The following ARHGAP39 variants were observed in gnomAD, a reference collection of about 807,000 sequenced individuals.
ARHGAP39 encodes rho GTPase-activating protein 39.
In ARHGAP39, 44 loss-of-function variants were observed where a neutral mutation model predicts 106.9. The ratio of observed to expected loss-of-function variants is 0.41; its 90% CI spans 0.32 to 0.53. ARHGAP39 has a LOEUF of 0.53. Ranked by LOEUF, ARHGAP39 falls within the 20% of genes least tolerant of loss-of-function variation. ARHGAP39 has a pLI of 0.21. For missense variants in ARHGAP39, 1,496 were observed against 1,577.3 expected, an observed-to-expected ratio of 0.95 and a Z score of 0.87; for synonymous variants, 768 against 693.2, an observed-to-expected ratio of 1.11 and a Z score of -1.69.
In ARHGAP39 at chr8:144,548,300, G is replaced by A. The variant is rs757716308; in HGVS notation, c.786C>T (p.Asp262=). 4 of 1,608,498 alleles carry A rather than the reference G, an allele frequency of 2.5e-6. No individual in the cohort carries two copies. The highest frequency in any genetic ancestry group is 4.5e-5 in the East Asian group (2 of 44,678). The change falls in exon 5 of 12, where the codon GAC becomes GAT. Residue 262 remains aspartate, a synonymous_variant. Coordinates refer to ENST00000377307, the MANE Select transcript of ARHGAP39 (RefSeq NM_025251.3). The surrounding 1 kb of genome is among the most constrained non-coding windows in gnomAD (Gnocchi z 7.4). ...PSLQTFAPEA[D]GTIFFPERRP... ...TCCTCTCTGGGAAGAAGATGGTGCC[G>A]TCAGCCTCCGGGGCGAAGGTCTGCA...
At chr8:144,677,182 G>A (rs761731725) in intron 1 of ARHGAP39, among the ~76,000 whole-genome samples, 2 of 152,174 alleles carry the variant, frequency 1.3e-5, no homozygotes, top group Non-Finnish European at 2.9e-5. Context: ...CCGTTCATCC[G>A]CTGATGGACA....
intron 3 of ARHGAP39, among the ~76,000 whole-genome samples, chr8:144,568,829 G>A (rs113064904): frequency 0.069 from 10,406 of 151,826 alleles, 1,156 homozygotes; most frequent in African/African-American, 0.23. Flanking sequence ...AATCCAACAA[G>A]GGGAGATAAA....
At chr8:144,554,342 G>A (rs139261433) in intron 4 of ARHGAP39, among the ~76,000 whole-genome samples, 82 of 152,336 alleles carry the variant, frequency 5.4e-4, no homozygotes, top group Middle Eastern at 3.4e-3. Flanking sequence ...CCCCAGAGAG[G>A]CCAGAAGGTC....
In ARHGAP39 at chr8:144,547,815, C is replaced by T. The variant is rs1032564451; in HGVS notation, c.1271G>A (p.Gly424Asp). The T allele has an allele frequency of 1.3e-5, 21 of 1,591,920 alleles. No homozygotes were observed. Among genetic ancestry groups the T allele is most frequent in the Non-Finnish European group, 1.8e-5 (21 of 1,172,130 alleles). Reference sequence around the variant, plus strand: ...GCTGGGCTGCAAGGAGTACGAACCACCGCCGGGGTTGGGCGCGTACTTGTG... The same window carrying T: ...GCTGGGCTGCAAGGAGTACGAACCATCGCCGGGGTTGGGCGCGTACTTGTG... ...PRHKYAPNPG[G>D]GSYSLQPSPC... Residue 424 changes from glycine (G) to aspartate (D), a missense_variant, in exon 5 of 12, where the codon GGT becomes GAT. Physicochemically the swap from Gly to Asp is moderately conservative, Grantham distance 94 (BLOSUM62 -1). Coordinates refer to ENST00000377307, the MANE Select transcript of ARHGAP39 (RefSeq NM_025251.3). The surrounding 1 kb of genome is among the most constrained non-coding windows in gnomAD (Gnocchi z 5.2).
chr8:144,672,419 G>A (rs1822122655), intron 1 of ARHGAP39, among the ~76,000 whole-genome samples: 3 of 152,168 alleles, frequency 2.0e-5, no homozygotes, highest in Admixed American at 2.0e-4. Flanking sequence ...ATAGTGTTGG[G>A]GCCTCTAGTA....
At chr8:144,532,834 G>A (rs940283099) in intron 9 of ARHGAP39, among the ~76,000 whole-genome samples, 1 of 152,174 alleles carries the variant, frequency 6.6e-6, no homozygotes, top group African/African-American at 2.4e-5. Flanking sequence ...CCCACTCCAG[G>A]CTACCCATGG....
intron 1 of ARHGAP39, among the ~76,000 whole-genome samples, chr8:144,664,612 G>A (rs112777165): frequency 0.032 from 4,872 of 152,318 alleles, 230 homozygotes; most frequent in African/African-American, 0.11. Context: ...AGGGACCCAG[G>A]AGGAGGTAAT....
At chr8:144,619,509 C>T (rs559496393) in intron 1 of ARHGAP39, among the ~76,000 whole-genome samples, 17 of 151,646 alleles carry the variant, frequency 1.1e-4, no homozygotes, top group Non-Finnish European at 2.1e-4. Flanking sequence ...CCTCTGTGTC[C>T]CTGAGAAAGC....
chr8:144,621,992 G>C (rs185379914), intron 1 of ARHGAP39, among the ~76,000 whole-genome samples: 2 of 152,320 alleles, frequency 1.3e-5, no homozygotes, highest in Admixed American at 6.5e-5. Context: ...ACAATGTTAA[G>C]GGTGACAAAG....
At chr8:144,603,758 A>G (rs1820174005) in intron 2 of ARHGAP39, among the ~76,000 whole-genome samples, 1 of 152,120 alleles carries the variant, frequency 6.6e-6, no homozygotes, top group Non-Finnish European at 1.5e-5. Flanking sequence ...ATGTTCTAAG[A>G]ACCCAGACCT....
chr8:144,576,545 C>T (rs57973640), intron 3 of ARHGAP39, among the ~76,000 whole-genome samples: 5,087 of 152,176 alleles, frequency 0.033, 276 homozygotes, highest in African/African-American at 0.12. Flanking sequence ...GGAAGAACAG[C>T]CCCGCAAGTG....
the ARHGAP39 span, among the ~76,000 whole-genome samples, chr8:144,698,310 A>C: frequency 6.6e-6 from 1 of 152,326 alleles, no homozygotes; most frequent in Non-Finnish European, 1.5e-5. Flanking sequence ...AGGCCTCACC[A>C]GTAGATACTG....
Position 144,581,287 on chromosome 8 carries a change from G to A in ARHGAP39, c.81-10C>T. On this transcript the variant is annotated splice_polypyrimidine_tract_variant and intron_variant, in intron 2 of 11. Coordinates refer to ENST00000377307, the MANE Select transcript of ARHGAP39 (RefSeq NM_025251.3). The stretch of plus-strand genomic sequence containing the variant: ...CTCCACCCACTCCAACCTGGGGAGA[G>A]ACAGGGTTAAGGCGGCTGGAGCCAC... The A allele has an allele frequency of 6.5e-7, 1 of 1,537,260 alleles. No homozygotes were observed. The highest frequency in any genetic ancestry group is 8.8e-7 in the Non-Finnish European group (1 of 1,139,534).
rs1480362597 is a variant in ARHGAP39 at position 144,562,021 on chromosome 8, CACTCCAGTGGTTTCCATCGGACTT to C, written c.513-6402_513-6379del. 1.5e-4 allele frequency among the ~76,000 whole-genome samples: 22 copies of C among 143,870 alleles called. 2 individuals carry two copies. Among genetic ancestry groups the C allele is most frequent in the African/African-American group, 5.5e-4 (20 of 36,206 alleles). 94.4% of individuals were successfully genotyped at this position (143,870 alleles called of 152,430 possible). ...CATCACACTCCAGTGGTTTCCATCA[CACTCCAGTGGTTTCCATCGGACTT>C]ACTCCAGTGGTTTCCATCGGACTTA... On this transcript the variant is annotated intron_variant, in intron 3 of 11. Coordinates refer to ENST00000377307, the MANE Select transcript of ARHGAP39 (RefSeq NM_025251.3).
chr8:144,600,374 G>A (rs1350802446), intron 2 of ARHGAP39, among the ~76,000 whole-genome samples: 2 of 146,766 alleles, frequency 1.4e-5, no homozygotes, highest in Non-Finnish European at 3.0e-5. Flanking sequence ...GCACACTTGG[G>A]TACCTACCTG....
Position 144,547,142 on chromosome 8 carries a change from G to A in ARHGAP39, c.1944C>T (p.Tyr648=). The stretch of plus-strand genomic sequence containing the variant: ...GGGCCCTCACCTGTGAGGGGTGGAG[G>A]TAGGGCTCTGGTGAGGCCAGGTTGG... ...VQTNLASPEP[Y]LHPSQSEDLA... The change falls in exon 5 of 12, where the codon TAC becomes TAT. Residue 648 remains tyrosine (Y), a synonymous_variant. Coordinates refer to ENST00000377307, the MANE Select transcript of ARHGAP39 (RefSeq NM_025251.3). This position sits in a 1 kb window ranked among gnomAD's most constrained non-coding sequence, Gnocchi z 5.2. The A allele has an allele frequency of 6.2e-7, 1 of 1,602,676 alleles. No homozygotes were observed. Among genetic ancestry groups the A allele is most frequent in the South Asian group, 1.1e-5 (1 of 89,240 alleles).
upstream of ARHGAP39, among the ~76,000 whole-genome samples, chr8:144,688,032 G>A (rs1004883351): frequency 4.0e-5 from 6 of 151,538 alleles, no homozygotes; most frequent in Admixed American, 1.3e-4. Context: ...TTTACAGTGA[G>A]CATTTCCCAC....
chr8:144,572,272 A>G (rs1417691578), intron 3 of ARHGAP39, among the ~76,000 whole-genome samples: 1 of 152,228 alleles, frequency 6.6e-6, no homozygotes, highest in East Asian at 1.9e-4. Flanking sequence ...CTGGTACCAG[A>G]ACAGAGCTAT....
chr8:144,674,778 C>G (rs1307467206), intron 1 of ARHGAP39, among the ~76,000 whole-genome samples: 2 of 152,194 alleles, frequency 1.3e-5, no homozygotes, highest in Non-Finnish European at 2.9e-5. Context: ...TCGTCGGCAC[C>G]CAAAGTCCGA....
Sources: allele counts gnomAD v4.1 joint callset (sites outside exome capture counted in the v4.1 genomes callset), GRCh38; gene constraint gnomAD v4.1.1; non-coding constraint Gnocchi (gnomAD v3.1); transcripts MANE v1.5; gene names NCBI Gene and HGNC (gene_info 2026-07-23, HGNC 2026-07-21).